The following IL9R variants were observed in gnomAD, a reference collection of about 807,000 sequenced individuals.
IL9R encodes the protein interleukin-9 receptor.
Under a neutral mutation model 56.3 loss-of-function variants are expected in IL9R, and 54 were observed. The observed-to-expected ratio is 0.96, with a 90% CI of 0.77 to 1.20. The LOEUF is 1.20. IL9R is among the 50% of genes most tolerant of loss of function. The pLI is 0.00. For missense variants in IL9R, 545 were observed against 629.8 expected, an observed-to-expected ratio of 0.87 and a Z score of 1.44; for synonymous variants, 212 against 250.2, an observed-to-expected ratio of 0.85 and a Z score of 1.44.
At chrX:156,009,429 T>TTGTGTGTG (rs754546109) in intron 8 of IL9R, among the ~76,000 whole-genome samples, 5 of 134,014 alleles carry the variant, frequency 3.7e-5, no homozygotes, top group African/African-American at 1.2e-4. Flanking sequence ...TTGTGTATGT[T>TTGTGTGTG]TGTGTGTGTG....
At chrX:156,003,070 T>C in intron 2 of IL9R, 51 bp downstream of exon 2, 1 of 1,609,694 alleles carries the variant, frequency 6.2e-7, no homozygotes, top group Non-Finnish European at 8.5e-7. Flanking sequence ...AACTAGGGCA[T>C]GTTTGGGGGA....
Position 156,003,068 on chromosome X carries a change from C to T in IL9R, c.142+49C>T, listed in dbSNP as rs2067651119. The T allele has an allele frequency of 5.6e-6, 9 of 1,610,334 alleles. 1 individual carries two copies. Among genetic ancestry groups the T allele is most frequent in the Non-Finnish European group, 1.7e-6 (2 of 1,177,162 alleles). On this transcript the variant is annotated intron_variant, in intron 2 of 8. Coordinates refer to ENST00000244174, the MANE Select transcript of IL9R (RefSeq NM_002186.3). ...GTATGAGGTGGGTGGAGAACTAGGGCATGTTTGGGGGACTGGGTTGTCCGA... is the reference window on the plus strand; with the variant it reads ...GTATGAGGTGGGTGGAGAACTAGGGTATGTTTGGGGGACTGGGTTGTCCGA...
intron 8 of IL9R, among the ~76,000 whole-genome samples, chrX:156,008,935 G>T (rs1445699228): frequency 7.2e-6 from 1 of 139,422 alleles, no homozygotes; most frequent in Non-Finnish European, 1.5e-5. Flanking sequence ...GTGTGTGTTT[G>T]TGTGTGTATG....
chrX:156,001,985 C>T (rs188468973), intron 1 of IL9R, among the ~76,000 whole-genome samples: 2 of 152,288 alleles, frequency 1.3e-5, no homozygotes, highest in South Asian at 2.1e-4. Flanking sequence ...TGCTGCCACC[C>T]TCGTCCACCT....
chrX:156,005,501 G>A (rs764350191), intron 6 of IL9R, 22 bp downstream of exon 6: 1 of 1,603,012 alleles, frequency 6.2e-7, no homozygotes, highest in Non-Finnish European at 8.5e-7. Context: ...TGTGGCTGCT[G>A]CACTTCCAGC....
At chrX:156,001,224 T>C in intron 1 of IL9R, 3 of 647,322 alleles carry the variant, frequency 4.6e-6, no homozygotes, top group Non-Finnish European at 8.4e-6. Flanking sequence ...TGGCCTGGCC[T>C]GATTCTACAT....
At chrX:155,998,241 T>C (rs1254076365) in intron 1 of IL9R, among the ~76,000 whole-genome samples, 4 of 151,982 alleles carry the variant, frequency 2.6e-5, no homozygotes, top group African/African-American at 7.3e-5. Context: ...TTGGGTGTTT[T>C]AGGGCAGAAG....
intron 8 of IL9R, among the ~76,000 whole-genome samples, chrX:156,009,083 TTGTGTGTGTGTGTC>T (rs2068235935): frequency 8.1e-6 from 1 of 124,200 alleles, no homozygotes; most frequent in Non-Finnish European, 1.8e-5. Context: ...CTGTGTGTGT[TTGTGTGTGTGTGTC>T]TGTGTGTGTG....
In IL9R at chrX:156,010,249, C is replaced by T. The variant is rs2068409762; in HGVS notation, c.1406C>T (p.Ala469Val). The part of the protein sequence containing the change: ...GNTQSSGPIP[A>V]LACGLSCDHQ... ...ACACAGAGCTCTGGGCCCATCCCAG[C>T]CCTGGCCTGTGGCCTTTCTTGTGAC... Residue 469 changes from alanine (A) to valine (V), a missense_variant, in exon 9 of 9, where the codon GCC becomes GTC. Transcript: ENST00000244174. The T allele has an allele frequency of 7.7e-7, 1 of 1,299,622 alleles. No homozygotes were observed. Among genetic ancestry groups the T allele is most frequent in the Admixed American group, 2.4e-5 (1 of 42,308 alleles). 80.5% of individuals were successfully genotyped at this position (1,299,622 alleles called of 1,614,324 possible).
chrX:156,001,392 A>T lies in IL9R; in HGVS notation c.29-1514A>T, dbSNP rs767007089. Reference sequence around the variant, plus strand: ...CAAGAGCAGGCTGACTGCCTTCCCCATTCCCACCTTTCCAGTAACTGCTGC... The same window carrying T: ...CAAGAGCAGGCTGACTGCCTTCCCCTTTCCCACCTTTCCAGTAACTGCTGC... On this transcript the variant is annotated intron_variant, in intron 1 of 8. Coordinates refer to ENST00000244174, the MANE Select transcript of IL9R (RefSeq NM_002186.3). The T allele has an allele frequency of 4.5e-6, 7 of 1,570,416 alleles. No individual in the cohort carries two copies. In the Admixed American group the frequency reaches 5.0e-5, roughly 11 times the overall value.
Position 156,002,956 on chromosome X carries a change from C to T in IL9R, c.79C>T (p.Leu27=). The T allele has an allele frequency of 6.2e-7, 1 of 1,613,922 alleles. No homozygotes were observed. Among genetic ancestry groups the T allele is most frequent in the Admixed American group, 1.7e-5 (1 of 60,016 alleles). ...ALRRDMGTWL[L]ACICICTCVC... ...GAGGCGAGACATGGGCACCTGGCTC[C>T]TGGCCTGCATCTGCATCTGCACCTG... is the stretch of plus-strand genomic sequence containing the variant. The change falls in exon 2 of 9, where the codon CTG becomes TTG. Residue 27 remains leucine, a synonymous_variant. Transcript: ENST00000244174.
Position 156,006,097 on chromosome X carries a change from C to G in IL9R, c.796C>G (p.Pro266Ala). 6.2e-7 allele frequency: 1 copy of G among 1,600,748 alleles called. No homozygotes were observed. Among genetic ancestry groups the G allele is most frequent in the African/African-American group, 1.3e-5 (1 of 74,626 alleles). The change falls in exon 7 of 9, where the codon CCC (proline) becomes GCC (alanine). Residue 266 changes from proline to alanine, a missense_variant. Pro to Ala is a conservative substitution (Grantham distance 27). This residue lies in a region of IL9R where 431 missense variants were observed against 360.0 expected (regional missense o/e 1.20). Transcript: ENST00000244174. ...CCTGTCCACAGGCCCTCTGATCCCACCCTGGGGGTGGCCAGGCAACACCCT... is the reference window on the plus strand; with the variant it reads ...CCTGTCCACAGGCCCTCTGATCCCAGCCTGGGGGTGGCCAGGCAACACCCT... ...APQRQGPLIP[P>A]WGWPGNTLVA...
At position 156,010,285 on chromosome X, in the gene IL9R, T is replaced by A; in HGVS notation, c.1442T>A (p.Leu481Gln). 9.1e-7 allele frequency: 1 copy of A among 1,093,212 alleles called. No individual in the cohort carries two copies. The highest frequency in any genetic ancestry group is 1.2e-6 in the Non-Finnish European group (1 of 814,614). The allele number at this position is 1,093,212 out of a possible 1,614,324, so 67.7% of individuals were successfully genotyped here. ...GGCCTTTCTTGTGACCATCAGGGCC[T>A]GGAGACCCAGCAAGGAGTTGCCTGG... Reference protein sequence around the residue: ...ACGLSCDHQGLETQQGVAWVL... With the variant: ...ACGLSCDHQGQETQQGVAWVL... The change falls in exon 9 of 9, where the codon CTG becomes CAG. Residue 481 changes from leucine (L) to glutamine (Q), a missense_variant. Transcript: ENST00000244174.
At chrX:156,009,280 C>CTG (rs1439386990) in intron 8 of IL9R, among the ~76,000 whole-genome samples, 6 of 116,896 alleles carry the variant, frequency 5.1e-5, no homozygotes, top group Non-Finnish European at 9.4e-5. Context: ...GTGTGTATGT[C>CTG]TGTGTGTGTG....
intron 8 of IL9R, among the ~76,000 whole-genome samples, chrX:156,009,326 CTGTGTGTGTTTGTG>C: frequency 8.0e-6 from 1 of 125,198 alleles, no homozygotes; most frequent in Non-Finnish European, 1.6e-5. Flanking sequence ...GTGTTTATGT[CTGTGTGTGTTTGTG>C]TGTGTGTGTC....
chrX:156,004,655 C>A, intron 5 of IL9R, 90 bp downstream of exon 5: 1 of 1,331,118 alleles, frequency 7.5e-7, no homozygotes, highest in Non-Finnish European at 1.1e-6. Context: ...GAGATGTCAA[C>A]TTGTAGTGAT....
chrX:156,004,048 G>A (rs1355504992), intron 4 of IL9R, among the ~76,000 whole-genome samples, 193 bp downstream of exon 4: 1 of 152,166 alleles, frequency 6.6e-6, no homozygotes, highest in African/African-American at 2.4e-5. Flanking sequence ...GCAGGGGCAG[G>A]GTTTTGGCAG....
chrX:156,000,793 T>C (rs3093478), intron 1 of IL9R, among the ~76,000 whole-genome samples: 10,816 of 152,258 alleles, frequency 0.071, 519 homozygotes, highest in Non-Finnish European at 0.1. Flanking sequence ...TGTGGTGCCT[T>C]CTGCTGGGGC....
intron 1 of IL9R, among the ~76,000 whole-genome samples, chrX:156,002,165 A>C (rs1051358985): frequency 3.3e-5 from 5 of 150,564 alleles, no homozygotes; most frequent in African/African-American, 1.2e-4. Flanking sequence ...AACATGGTGA[A>C]ACCCCGTCTC....
Sources: allele counts gnomAD v4.1 joint callset (sites outside exome capture counted in the v4.1 genomes callset), GRCh38; gene constraint gnomAD v4.1.1; regional missense constraint gnomAD v4.1.1; transcripts MANE v1.5; gene names NCBI Gene and HGNC (gene_info 2026-07-23, HGNC 2026-07-21).